The following TBX5 variants were observed in gnomAD, a reference collection of about 807,000 sequenced individuals.
The protein encoded by TBX5 is T-box transcription factor TBX5.
A neutral mutation model predicts 51.1 loss-of-function variants in TBX5; 8 were observed. The observed-to-expected ratio is 0.16, with a 90% CI of 0.09 to 0.28. The LOEUF (loss-of-function observed/expected upper bound fraction) is 0.28, where lower values mean the gene tolerates loss of function less well. TBX5 is among the 10% of genes least tolerant of loss of function. TBX5 has a pLI of 1.00. For missense variants in TBX5, 589 were observed against 671.7 expected (o/e 0.88, Z 1.36); for synonymous variants, 302 against 266.4 (o/e 1.13, Z -1.30).
At position 114,355,570 on chromosome 12, in the gene TBX5, C is replaced by T. The variant is rs374924325; in HGVS notation, c.1519G>A (p.Gly507Arg). ...LSPHQYHSVH[G>R]VGMVPEWSDN... ...CTCCACTCTGGCACCATGCCAACTC[C>T]GTGCACAGAGTGGTACTGATGAGGG... Residue 507 changes from glycine (G) to arginine (R), a missense_variant, in exon 9 of 9, where the codon GGA (glycine) becomes AGA (arginine). By Grantham distance (125) the Gly-to-Arg change is moderately radical (BLOSUM62 -2). Transcript: ENST00000405440. 3.6e-5 allele frequency: 58 copies of T among 1,614,174 alleles called. No individual in the cohort carries two copies. Among genetic ancestry groups the T allele is most frequent in the Non-Finnish European group, 4.3e-5 (51 of 1,180,046 alleles).
intron 6 of TBX5, among the ~76,000 whole-genome samples, chr12:114,391,059 C>G (rs1028319717): frequency 6.6e-6 from 1 of 152,194 alleles, no homozygotes. Context: ...GCCTACCTAC[C>G]TCCACCTGGT....
chr12:114,371,212 G>T (rs1869883435), intron 7 of TBX5, among the ~76,000 whole-genome samples: 1 of 152,132 alleles, frequency 6.6e-6, no homozygotes, highest in African/African-American at 2.4e-5. Flanking sequence ...ACTGCTCTCT[G>T]CTGTATCAAG....
At chr12:114,377,720 C>G (rs56111317) in intron 7 of TBX5, among the ~76,000 whole-genome samples, 17,558 of 151,940 alleles carry the variant, frequency 0.12, 1,118 homozygotes, top group Middle Eastern at 0.15. Context: ...CACCTAGCGA[C>G]TTTTTTTCTC....
rs750805595 is a variant in TBX5 at position 114,370,274 on chromosome 12, A to C, written c.756-3883T>G. On this transcript the variant is annotated intron_variant, in intron 7 of 8. Coordinates refer to ENST00000405440, the MANE Select transcript of TBX5 (RefSeq NM_181486.4). Reference sequence around the variant, plus strand: ...AAAAGAAAAGAAAAGAAAAGAAAAGAAAAGAAAAGAAAAGAAAGAAAAGAA... The same window carrying C: ...AAAAGAAAAGAAAAGAAAAGAAAAGCAAAGAAAAGAAAAGAAAGAAAAGAA... Among the ~76,000 whole-genome samples the C allele has an allele frequency of 3.7e-3, 254 of 69,440 alleles. 4 individuals are homozygous for C. Among genetic ancestry groups the C allele is most frequent in the Non-Finnish European group, 7.3e-3 (183 of 24,938 alleles). 45.6% of individuals were successfully genotyped at this position (69,440 alleles called of 152,430 possible).
At chr12:114,401,765 T>C (rs1317963503) in intron 3 of TBX5, 61 bp downstream of exon 3, 30 of 1,534,516 alleles carry the variant, frequency 2.0e-5, no homozygotes, top group Non-Finnish European at 2.5e-5. Flanking sequence ...AGCCACCTTT[T>C]CTTCTTCACC....
At chr12:114,371,405 C>A (rs1869893609) in intron 7 of TBX5, among the ~76,000 whole-genome samples, 1 of 152,068 alleles carries the variant, frequency 6.6e-6, no homozygotes, top group Non-Finnish European at 1.5e-5. Flanking sequence ...TGAATGACGC[C>A]ATTGTCGCTG....
chr12:114,367,257 G>GAAAGAAAAGAGAAAGA (rs143414934), intron 7 of TBX5, among the ~76,000 whole-genome samples: 2 of 150,778 alleles, frequency 1.3e-5, no homozygotes, highest in Non-Finnish European at 1.5e-5. Flanking sequence ...AAAAAGGAAA[G>GAAAGAAAAGAGAAAGA]AAAGAAAAGA....
At chr12:114,357,062 G>A (rs1004255641) in intron 8 of TBX5, among the ~76,000 whole-genome samples, 1 of 152,208 alleles carries the variant, frequency 6.6e-6, no homozygotes, top group African/African-American at 2.4e-5. Flanking sequence ...ATGAGTGGGA[G>A]GGAGCTTGAA....
chr12:114,403,785 G>A lies in TBX5; in HGVS notation c.114C>T (p.Ser38=), dbSNP rs34014008. Residue 38 remains serine (S), a synonymous_variant, in exon 2 of 9, where the codon TCC becomes TCT. Transcript: ENST00000405440. ...PESALGAPSK[S]PSSPQAAFTQ... is the part of the protein sequence containing the mutation. ...TGAAGGCGGCCTGCGGGGACGACGG[G>A]GACTTGCTGGGGGCCCCGAGCGCGC... 4.3e-4 allele frequency: 694 copies of A among 1,613,964 alleles called. 1 individual carries two copies. The African/African-American group carries it at 7.3e-3, about 17-fold the overall frequency.
Position 114,405,934 on chromosome 12 carries a change from C to G in TBX5, c.-345G>C. ...CGGCAACCATATAATCTCAGTGCCC[C>G]GCTCCTCCTTTACACCCCCAGGGAG... On this transcript the variant is annotated 5_prime_UTR_variant, in exon 1 of 9. Coordinates refer to ENST00000405440, the MANE Select transcript of TBX5 (RefSeq NM_181486.4). 1 of 985,434 alleles carries G rather than the reference C, an allele frequency of 1.0e-6. No individual in the cohort carries two copies. The highest frequency in any genetic ancestry group is 1.2e-6 in the Non-Finnish European group (1 of 829,998). 61.0% of individuals were successfully genotyped at this position (985,434 alleles called of 1,614,324 possible).
In TBX5 at chr12:114,398,555, C is replaced by A. The variant is rs757208739; in HGVS notation, c.510+18G>T. On this transcript the variant is annotated intron_variant, in intron 5 of 8. Coordinates refer to ENST00000405440, the MANE Select transcript of TBX5 (RefSeq NM_181486.4). ...ACAAGAGGGAGACAAGGCGGGGAAT[C>A]CAGGCCACGGTACTCACATGCCCAA... 2 of 1,610,776 alleles carry A rather than the reference C, an allele frequency of 1.2e-6. No individual in the cohort carries two copies. Among genetic ancestry groups the A allele is most frequent in the Non-Finnish European group, 1.7e-6 (2 of 1,178,622 alleles).
chr12:114,382,277 G>A (rs1377593085), intron 7 of TBX5, among the ~76,000 whole-genome samples: 1 of 152,008 alleles, frequency 6.6e-6, no homozygotes, highest in Non-Finnish European at 1.5e-5. Context: ...TCGCACCACT[G>A]CCCTCCAGCC....
At chr12:114,379,502 T>C (rs1870389131) in intron 7 of TBX5, among the ~76,000 whole-genome samples, 1 of 152,204 alleles carries the variant, frequency 6.6e-6, no homozygotes, top group African/African-American at 2.4e-5. Flanking sequence ...GATGGGATAG[T>C]TTGGAAGCCA....
rs1868776080 is a variant in TBX5, at chr12:114,354,736, G to A, written c.*796C>T. 1 of 152,810 alleles carries A rather than the reference G, an allele frequency of 6.5e-6. No homozygotes were observed. Among genetic ancestry groups the A allele is most frequent in the African/African-American group, 2.4e-5 (1 of 41,420 alleles). The allele number at this position is 152,810 out of a possible 1,614,324, so 9.5% of individuals were successfully genotyped here. A position where few individuals can be genotyped will look rare whatever the true frequency, so the allele number is the denominator to read the frequency against. ...AAGCTTTCCGGAAGGGAAGCTATAG[G>A]CCACGTTTTAGCGACAGACAGCTGG... On this transcript the variant is annotated 3_prime_UTR_variant, in exon 9 of 9. Transcript: ENST00000405440.
chr12:114,379,743 G>A (rs547998582), intron 7 of TBX5, among the ~76,000 whole-genome samples: 1 of 152,322 alleles, frequency 6.6e-6, no homozygotes, highest in East Asian at 1.9e-4. Context: ...TTCCATCCAT[G>A]GACCCTGGTC....
At chr12:114,383,062 G>A (rs1014114995) in intron 7 of TBX5, among the ~76,000 whole-genome samples, 4 of 151,424 alleles carry the variant, frequency 2.6e-5, no homozygotes, top group Non-Finnish European at 5.9e-5. Flanking sequence ...ACCTGCACAT[G>A]CCCACCTGTC....
At chr12:114,366,094 C>T (rs774006957) in intron 8 of TBX5, 71 bp downstream of exon 8, 4 of 1,448,398 alleles carry the variant, frequency 2.8e-6, no homozygotes, top group Non-Finnish European at 3.9e-6. Context: ...ACTCCTCACC[C>T]CCTCACCCCC....
At chr12:114,364,702 C>T (rs975576380) in intron 8 of TBX5, among the ~76,000 whole-genome samples, 2 of 152,152 alleles carry the variant, frequency 1.3e-5, no homozygotes, top group Non-Finnish European at 2.9e-5. Flanking sequence ...CTGGGAATCA[C>T]CTTCTGGAGC....
intron 8 of TBX5, among the ~76,000 whole-genome samples, chr12:114,361,696 G>A (rs1276730971): frequency 6.6e-6 from 1 of 152,172 alleles, no homozygotes; most frequent in Admixed American, 6.5e-5. Context: ...AGTGGGGCAG[G>A]CAGGGGCCAG....
Sources: allele counts gnomAD v4.1 joint callset (sites outside exome capture counted in the v4.1 genomes callset), GRCh38; gene constraint gnomAD v4.1.1; transcripts MANE v1.5; gene names NCBI Gene and HGNC (gene_info 2026-07-23, HGNC 2026-07-21).